The following PLEKHF2 variants were observed in gnomAD, a reference collection of about 807,000 sequenced individuals.
PLEKHF2 encodes the protein pleckstrin homology and FYVE domain containing 2.
PLEKHF2 carries 4 observed loss-of-function variants against 14.7 expected under a neutral mutation model. That is an observed-to-expected ratio of 0.27 (90% CI 0.13 to 0.62). The LOEUF (loss-of-function observed/expected upper bound fraction) is 0.62. Ranked by LOEUF, PLEKHF2 falls within the 20% of genes least tolerant of loss-of-function variation. The pLI is 0.85. For synonymous variants in PLEKHF2, 90 were observed against 103.5 expected, an observed-to-expected ratio of 0.87 and a Z score of 0.79; for missense variants, 201 against 307.7, an observed-to-expected ratio of 0.65 and a Z score of 2.60.
intron 1 of PLEKHF2, among the ~76,000 whole-genome samples, chr8:95,144,896 AAAC>A (rs1201030461): frequency 6.6e-6 from 1 of 151,754 alleles, no homozygotes; most frequent in Non-Finnish European, 1.5e-5. Context: ...CCAGAAAAAA[AAAC>A]AAAAAACTGT....
chr8:95,152,790 C>T (rs556595714), intron 1 of PLEKHF2, among the ~76,000 whole-genome samples: 1 of 152,118 alleles, frequency 6.6e-6, no homozygotes, highest in African/African-American at 2.4e-5. Flanking sequence ...ATAATGAAGG[C>T]CAAGAAGGGC....
Position 95,136,478 on chromosome 8 carries a change from A to T in PLEKHF2, c.-15+2448A>T, listed in dbSNP as rs528694838. On this transcript the variant is annotated intron_variant, in intron 1 of 1. Transcript: ENST00000315367. The stretch of plus-strand genomic sequence containing the variant: ...TATGAAATTTCTAAGTAGATAATGG[A>T]TTAAAGTATAATTACTGATGTATGA... 1.6e-4 allele frequency among the ~76,000 whole-genome samples: 24 copies of T among 152,282 alleles called. No individual in the cohort carries two copies. In the East Asian group the frequency reaches 4.4e-3, roughly 28 times the overall value.
At chr8:95,152,454 A>G (rs562048669) in intron 1 of PLEKHF2, among the ~76,000 whole-genome samples, 2 of 152,124 alleles carry the variant, frequency 1.3e-5, no homozygotes, top group Non-Finnish European at 2.9e-5. Context: ...AAAAATTTTT[A>G]TTAATCTAAG....
chr8:95,153,500 A>G (rs1226666885), intron 1 of PLEKHF2, among the ~76,000 whole-genome samples: 1 of 152,168 alleles, frequency 6.6e-6, no homozygotes, highest in Non-Finnish European at 1.5e-5. Context: ...AGGGTTTTAG[A>G]GATCACTGCC....
intron 1 of PLEKHF2, among the ~76,000 whole-genome samples, chr8:95,144,795 C>T (rs1247298673): frequency 1.4e-5 from 2 of 143,488 alleles, no homozygotes; most frequent in African/African-American, 5.2e-5. Flanking sequence ...GCTCGGGAGG[C>T]AGAGGTTGCA....
intron 1 of PLEKHF2, among the ~76,000 whole-genome samples, chr8:95,146,512 C>CT (rs76173940): frequency 3.6e-3 from 495 of 136,954 alleles, no homozygotes; most frequent in Middle Eastern, 7.6e-3. Context: ...GATTCTGTGT[C>CT]TTTTTTTTTT....
chr8:95,149,114 A>G (rs1810531988), intron 1 of PLEKHF2, among the ~76,000 whole-genome samples: 1 of 152,178 alleles, frequency 6.6e-6, no homozygotes, highest in African/African-American at 2.4e-5. Context: ...TGATTAATAA[A>G]CACATTAGAA....
intron 1 of PLEKHF2, among the ~76,000 whole-genome samples, chr8:95,137,849 G>T (rs890680108): frequency 2.0e-5 from 3 of 152,166 alleles, no homozygotes; most frequent in African/African-American, 7.2e-5. Flanking sequence ...TCTACCTCAG[G>T]TCTTAAACCC....
At chr8:95,141,642 C>T (rs1367872983) in intron 1 of PLEKHF2, among the ~76,000 whole-genome samples, 1 of 151,988 alleles carries the variant, frequency 6.6e-6, no homozygotes, top group East Asian at 1.9e-4. Flanking sequence ...TCTCTTGCCT[C>T]AGCCTCCCAA....
At chr8:95,149,682 C>G (rs972910543) in intron 1 of PLEKHF2, among the ~76,000 whole-genome samples, 3 of 152,098 alleles carry the variant, frequency 2.0e-5, no homozygotes, top group Non-Finnish European at 4.4e-5. Flanking sequence ...CCTTTTGAGC[C>G]AGTAATTTTA....
chr8:95,154,043 A>G lies in PLEKHF2; in HGVS notation c.-2A>G. ...TTTTTTTTAAAAGGCTATTAGTGAA[A>G]GATGGTGGATCGCTTGGCAAACAGT... On this transcript the variant is annotated 5_prime_UTR_variant, in exon 2 of 2. Coordinates refer to ENST00000315367, the MANE Select transcript of PLEKHF2 (RefSeq NM_024613.4). The surrounding 1 kb of genome is among the most constrained non-coding windows in gnomAD (Gnocchi z 5.6). 6.4e-7 allele frequency: 1 copy of G among 1,555,318 alleles called. No individual in the cohort carries two copies.
intron 1 of PLEKHF2, among the ~76,000 whole-genome samples, chr8:95,151,038 A>G (rs1370795588): frequency 6.6e-6 from 1 of 152,266 alleles, no homozygotes; most frequent in East Asian, 1.9e-4. Context: ...TGGACTCCCT[A>G]TGAGTAGAGT....
intron 1 of PLEKHF2, among the ~76,000 whole-genome samples, chr8:95,135,397 T>C (rs1272764014): frequency 1.3e-5 from 2 of 152,182 alleles, no homozygotes; most frequent in African/African-American, 4.8e-5. Flanking sequence ...TTTTTCTCTT[T>C]TTCCTTCCTT....
rs750370584 is a variant in PLEKHF2 at position 95,145,715 on chromosome 8, C to T, written c.-14-8316C>T. On this transcript the variant is annotated intron_variant, in intron 1 of 1. Transcript: ENST00000315367. Reference sequence around the variant, plus strand: ...CTGGGATTACAGGCGTGAGCCACTGCGCCTGGCCAAGTATTTCTTTTTTGC... The same window carrying T: ...CTGGGATTACAGGCGTGAGCCACTGTGCCTGGCCAAGTATTTCTTTTTTGC... Among the ~76,000 whole-genome samples, 8 of 152,082 alleles carry T rather than the reference C, an allele frequency of 5.3e-5. No homozygotes were observed. In the East Asian group the frequency reaches 9.6e-4, roughly 18 times the overall value.
At chr8:95,149,630 G>A (rs920969087) in intron 1 of PLEKHF2, among the ~76,000 whole-genome samples, 1 of 152,172 alleles carries the variant, frequency 6.6e-6, no homozygotes, top group African/African-American at 2.4e-5. Context: ...GTTACTTCCA[G>A]AATGGAAATT....
At chr8:95,152,978 A>G (rs1342666865) in intron 1 of PLEKHF2, among the ~76,000 whole-genome samples, 3 of 152,194 alleles carry the variant, frequency 2.0e-5, no homozygotes, top group Non-Finnish European at 4.4e-5. Context: ...AGTGAAGTCA[A>G]TATTGGACTT....
chr8:95,135,589 G>A (rs1323556953), intron 1 of PLEKHF2, among the ~76,000 whole-genome samples: 1 of 152,164 alleles, frequency 6.6e-6, no homozygotes, highest in African/African-American at 2.4e-5. Context: ...ATTTTGTGGA[G>A]AGAAGGTTTT....
rs34457137 is a variant in PLEKHF2, at chr8:95,136,333, TACACACACACACACACAC to T, written c.-15+2327_-15+2344del. Among the ~76,000 whole-genome samples, 8 of 124,016 alleles carry T rather than the reference TACACACACACACACACAC, an allele frequency of 6.5e-5. No homozygotes were observed. In the East Asian group the frequency reaches 1.2e-3, roughly 19 times the overall value. The allele number at this position is 124,016 out of a possible 152,430, so 81.4% of individuals were successfully genotyped here. A position where few individuals can be genotyped will look rare whatever the true frequency, so the allele number is the denominator to read the frequency against. ...TCCACAGATTGGTTTTTATTATATA[TACACACACACACACACAC>T]ACACACACACACACACACACACATG... On this transcript the variant is annotated intron_variant, in intron 1 of 1. Coordinates refer to ENST00000315367, the MANE Select transcript of PLEKHF2 (RefSeq NM_024613.4).
chr8:95,142,317 C>T (rs992229838), intron 1 of PLEKHF2, among the ~76,000 whole-genome samples: 10 of 152,078 alleles, frequency 6.6e-5, no homozygotes, highest in African/African-American at 2.4e-4. Flanking sequence ...TGCAGTGGTG[C>T]AGTCATGATT....
Sources: gnomAD v4.1 joint callset for allele counts (sites outside exome capture counted in the v4.1 genomes callset) on GRCh38, gnomAD v4.1.1 for gene constraint, Gnocchi (gnomAD v3.1) non-coding constraint, MANE v1.5 for transcripts, NCBI Gene and HGNC (gene_info 2026-07-23, HGNC 2026-07-21) for gene names.